PPP2R5A: variants seen among roughly 807,000 people sequenced by gnomAD.
PPP2R5A encodes serine/threonine-protein phosphatase 2A 56 kDa regulatory subunit alpha isoform.
A neutral mutation model predicts 64.2 loss-of-function variants in PPP2R5A; 25 were observed. The observed-to-expected ratio is 0.39, with a 90% CI of 0.28 to 0.54. PPP2R5A has a LOEUF of 0.54. PPP2R5A is among the 20% of genes least tolerant of loss of function. The pLI, the probability that PPP2R5A is intolerant of heterozygous loss-of-function variation, is 0.67. For synonymous variants in PPP2R5A, 198 were observed against 201.2 expected (o/e 0.98, Z 0.13); for missense variants, 425 against 576.3 (o/e 0.74, Z 2.69).
intron 1 of PPP2R5A, chr1:212,302,203 C>T: frequency 5.9e-6 from 6 of 1,017,946 alleles, no homozygotes; most frequent in Non-Finnish European, 2.8e-6. Flanking sequence ...ACAAGCAAAA[C>T]CACATTACAG....
rs185840259 is a variant in PPP2R5A, at chr1:212,290,528, A to G, written c.181+4237A>G. On this transcript the variant is annotated intron_variant, in intron 1 of 12. Transcript: ENST00000261461. ...TGGAAGATTTATTTTTAAAAAATTT[A>G]AAACATTTTTAGGATATTCTTAAGA... Among the ~76,000 whole-genome samples the G allele has an allele frequency of 5.8e-3, 882 of 152,346 alleles. 5 individuals carry two copies. The highest frequency in any genetic ancestry group is 7.8e-3 in the Non-Finnish European group (534 of 68,026).
At chr1:212,352,953 A>G (rs753788631) in intron 8 of PPP2R5A, 16 of 517,954 alleles carry the variant, frequency 3.1e-5, no homozygotes, top group African/African-American at 3.1e-4. Context: ...ATACCATTCC[A>G]TTGGGAGGAA....
At chr1:212,287,360 A>G (rs1192016439) in intron 1 of PPP2R5A, among the ~76,000 whole-genome samples, 2 of 152,172 alleles carry the variant, frequency 1.3e-5, no homozygotes, top group Non-Finnish European at 2.9e-5. Flanking sequence ...TTTTCAATTC[A>G]TTTGAAAAAG....
At chr1:212,302,006 T>C in intron 1 of PPP2R5A, 1 of 1,488,114 alleles carries the variant, frequency 6.7e-7, no homozygotes. Flanking sequence ...ATGAACAACT[T>C]GAAATAACTT....
chr1:212,320,667 G>A (rs1276552834), intron 1 of PPP2R5A, among the ~76,000 whole-genome samples: 1 of 111,102 alleles, frequency 9.0e-6, no homozygotes, highest in African/African-American at 2.7e-5. Flanking sequence ...CGGATGGGGC[G>A]GCTGGCCGGG....
At chr1:212,295,584 A>G (rs1320855124) in intron 1 of PPP2R5A, among the ~76,000 whole-genome samples, 1 of 152,216 alleles carries the variant, frequency 6.6e-6, no homozygotes, top group African/African-American at 2.4e-5. Flanking sequence ...GAATACCAAC[A>G]TTGAGATAAT....
chr1:212,338,189 C>T (rs11119920), intron 3 of PPP2R5A, among the ~76,000 whole-genome samples: 25,244 of 152,086 alleles, frequency 0.17, 2,542 homozygotes, highest in Middle Eastern at 0.3. Context: ...TGGTGAAGAC[C>T]AGAATTCTAT....
intron 1 of PPP2R5A, among the ~76,000 whole-genome samples, chr1:212,307,177 GT>G (rs1239271676): frequency 6.7e-6 from 1 of 149,566 alleles, no homozygotes; most frequent in African/African-American, 2.5e-5. Flanking sequence ...TTCTTTTTCT[GT>G]TTTCTTTAGT....
chr1:212,299,459 A>G (rs893332624), intron 1 of PPP2R5A: 3 of 152,342 alleles, frequency 2.0e-5, no homozygotes, highest in East Asian at 1.9e-4. Flanking sequence ...CCTTTTACAC[A>G]AAGTTTTTGA....
At chr1:212,317,039 A>G (rs1571587896) in intron 1 of PPP2R5A, among the ~76,000 whole-genome samples, 1 of 152,108 alleles carries the variant, frequency 6.6e-6, no homozygotes, top group African/African-American at 2.4e-5. Flanking sequence ...GTTTCACTAG[A>G]TATTTCTTAA....
intron 1 of PPP2R5A, among the ~76,000 whole-genome samples, chr1:212,327,831 T>C (rs145485292): frequency 1.3e-5 from 2 of 151,278 alleles, no homozygotes; most frequent in African/African-American, 2.4e-5. Context: ...TCTGCATTGA[T>C]TGATTGAGAT....
chr1:212,297,632 C>T (rs1658722863), intron 1 of PPP2R5A: 1 of 152,164 alleles, frequency 6.6e-6, no homozygotes, highest in African/African-American at 2.4e-5. Flanking sequence ...GTAGATTTTT[C>T]TAAGACCTGT....
At chr1:212,290,514 T>C (rs1658580744) in intron 1 of PPP2R5A, among the ~76,000 whole-genome samples, 1 of 152,234 alleles carries the variant, frequency 6.6e-6, no homozygotes, top group Non-Finnish European at 1.5e-5. Context: ...GGAAGATTTA[T>C]TTTTAAAAAA....
intron 1 of PPP2R5A, chr1:212,309,039 A>G: frequency 1.3e-6 from 1 of 763,718 alleles, no homozygotes; most frequent in Non-Finnish European, 2.4e-6. Context: ...TTAGCCAGCT[A>G]GACTCAGTTT....
chr1:212,313,330 T>G (rs1382606360), intron 1 of PPP2R5A, among the ~76,000 whole-genome samples: 1 of 152,216 alleles, frequency 6.6e-6, no homozygotes. Context: ...TTTTTGTCAT[T>G]CTTACCCAAT....
chr1:212,342,397 A>C, intron 4 of PPP2R5A, 117 bp downstream of exon 4: 6 of 1,292,128 alleles, frequency 4.6e-6, no homozygotes, highest in Non-Finnish European at 6.2e-6. Flanking sequence ...ACAGCACTTA[A>C]TATTACTGCC....
intron 1 of PPP2R5A, among the ~76,000 whole-genome samples, chr1:212,309,758 A>T (rs78395777): frequency 6.6e-6 from 1 of 152,222 alleles, no homozygotes; most frequent in East Asian, 1.9e-4. Flanking sequence ...CCTGGGCCAC[A>T]TTGGAAGAAT....
intron 1 of PPP2R5A, among the ~76,000 whole-genome samples, chr1:212,323,342 A>G (rs1423100447): frequency 1.3e-5 from 2 of 152,234 alleles, no homozygotes; most frequent in Admixed American, 6.5e-5. Flanking sequence ...TAGTGCATAT[A>G]AAACACTTAG....
chr1:212,355,849 CA>C (rs1659968163), intron 8 of PPP2R5A, among the ~76,000 whole-genome samples: 1 of 152,070 alleles, frequency 6.6e-6, no homozygotes, highest in South Asian at 2.1e-4. Flanking sequence ...TGGTGGATCA[CA>C]AGGTCAGGAG....
Sources: allele counts gnomAD v4.1 joint callset (sites outside exome capture counted in the v4.1 genomes callset), GRCh38; gene constraint gnomAD v4.1.1; transcripts MANE v1.5; gene names NCBI Gene and HGNC (gene_info 2026-07-23, HGNC 2026-07-21).